CAMTA1: variants seen among roughly 807,000 people sequenced by gnomAD.
The protein encoded by CAMTA1 is calmodulin binding transcription activator 1, also known as calmodulin-binding transcription activator 1.
In CAMTA1, 27 loss-of-function variants were observed where a neutral mutation model predicts 170.9. That is an observed-to-expected ratio of 0.16 (90% CI 0.12 to 0.22). The LOEUF is 0.22. Ranked by LOEUF, CAMTA1 falls within the 10% of genes least tolerant of loss-of-function variation. The pLI is 1.00. For missense variants in CAMTA1, 1,619 were observed against 2,217.2 expected, an observed-to-expected ratio of 0.73 and a Z score of 5.42; for synonymous variants, 833 against 891.5, an observed-to-expected ratio of 0.93 and a Z score of 1.17.
In CAMTA1 at chr1:7,683,207, C is replaced by A. The variant is rs1431709038; in HGVS notation, c.2914+5474C>A. Among the ~76,000 whole-genome samples, 3 of 148,008 alleles carry A rather than the reference C, an allele frequency of 2.0e-5. No homozygotes were observed. The South Asian group carries it at 6.4e-4, about 31-fold the overall frequency. Reference sequence around the variant, plus strand: ...AAAAAAAAAAAAAAAAAAGAACATACAATGTACACTGAGAACACATTCCAA... The same window carrying A: ...AAAAAAAAAAAAAAAAAAGAACATAAAATGTACACTGAGAACACATTCCAA... On this transcript the variant is annotated intron_variant, in intron 11 of 22. Transcript: ENST00000303635.
chr1:7,078,278 C>T (rs1032971682), intron 3 of CAMTA1, among the ~76,000 whole-genome samples: 3 of 152,204 alleles, frequency 2.0e-5, no homozygotes, highest in Admixed American at 6.5e-5. Flanking sequence ...TCTGGAAGGA[C>T]TTATAACAAC....
chr1:7,229,964 G>A (rs1662424911), intron 4 of CAMTA1, among the ~76,000 whole-genome samples: 1 of 152,140 alleles, frequency 6.6e-6, no homozygotes, highest in African/African-American at 2.4e-5. Flanking sequence ...GGCCGGTTGG[G>A]CTGAAGCTCC....
intron 6 of CAMTA1, among the ~76,000 whole-genome samples, chr1:7,470,200 A>G (rs1149334): frequency 0.62 from 94,120 of 152,144 alleles, 30,643 homozygotes; most frequent in African/African-American, 0.81. Flanking sequence ...ACACAGGTGT[A>G]GGGGGTTCCT....
intron 6 of CAMTA1, among the ~76,000 whole-genome samples, chr1:7,500,315 TGAGC>T (rs56889946): frequency 0.072 from 8,960 of 125,180 alleles, 876 homozygotes; most frequent in East Asian, 0.35. Flanking sequence ...TGTGTGTCCG[TGAGC>T]GAGTGTGTAG....
intron 3 of CAMTA1, among the ~76,000 whole-genome samples, chr1:6,947,765 T>G (rs975813874): frequency 2.0e-5 from 3 of 152,226 alleles, no homozygotes; most frequent in Admixed American, 2.0e-4. Flanking sequence ...TCCTAAGTAT[T>G]TTATCCTTTT....
chr1:7,186,383 A>G (rs1653271134), intron 4 of CAMTA1, among the ~76,000 whole-genome samples: 1 of 152,228 alleles, frequency 6.6e-6, no homozygotes. Flanking sequence ...TACAGGTGCT[A>G]GTGCTGGGAC....
In CAMTA1 at chr1:7,483,439, C is replaced by G. The variant is rs79384851; in HGVS notation, c.510+15538C>G. On this transcript the variant is annotated intron_variant, in intron 6 of 22. Transcript: ENST00000303635. ...AGGGAGACCCTCAGCTCGGGGAGCT[C>G]TTCTCCCCACCCTGAGGAAGGGCAG... Among the ~76,000 whole-genome samples, 12 of 152,334 alleles carry G rather than the reference C, an allele frequency of 7.9e-5. No homozygotes were observed. The East Asian group carries it at 2.1e-3, about 27-fold the overall frequency.
rs2097028669 is a variant in CAMTA1, at chr1:7,767,068, GT to G, written c.*580del. 1.3e-5 allele frequency: 2 copies of G among 152,764 alleles called. No individual in the cohort carries two copies. The highest frequency in any genetic ancestry group is 4.8e-5 in the African/African-American group (2 of 41,384). 9.5% of individuals were successfully genotyped at this position (152,764 alleles called of 1,614,324 possible). A position where few individuals can be genotyped will look rare whatever the true frequency, so the allele number is the denominator to read the frequency against. On this transcript the variant is annotated 3_prime_UTR_variant, in exon 23 of 23. Coordinates refer to ENST00000303635, the MANE Select transcript of CAMTA1 (RefSeq NM_015215.4). Reference sequence around the variant, plus strand: ...ACTGTTTATTTTTGTTTGTTTGTTTGTTTGTTTTAATCTCTACAGCACATTT... The same window carrying G: ...ACTGTTTATTTTTGTTTGTTTGTTTGTTGTTTTAATCTCTACAGCACATTT...
intron 3 of CAMTA1, among the ~76,000 whole-genome samples, chr1:7,082,450 T>TAGATAGAC (rs1640151616): frequency 6.6e-6 from 1 of 150,574 alleles, no homozygotes; most frequent in Non-Finnish European, 1.5e-5. Flanking sequence ...AATAGATAGA[T>TAGATAGAC]AGATAGATAG....
At chr1:7,573,077 A>G (rs1261025217) in intron 6 of CAMTA1, among the ~76,000 whole-genome samples, 1 of 152,124 alleles carries the variant, frequency 6.6e-6, no homozygotes, top group Non-Finnish European at 1.5e-5. Flanking sequence ...AGAAGGGTTT[A>G]CTCCTGGACA....
intron 1 of CAMTA1, among the ~76,000 whole-genome samples, chr1:6,812,378 A>AT (rs1340234136): frequency 2.6e-5 from 4 of 152,140 alleles, no homozygotes; most frequent in Non-Finnish European, 4.4e-5. Flanking sequence ...TCGAAATAAG[A>AT]TTTTATATAT....
intron 3 of CAMTA1, among the ~76,000 whole-genome samples, chr1:6,966,399 T>G (rs995672322): frequency 5.3e-5 from 8 of 152,158 alleles, no homozygotes; most frequent in African/African-American, 1.9e-4. Context: ...TCTATTGATT[T>G]GCTGCCTCTG....
intron 6 of CAMTA1, among the ~76,000 whole-genome samples, chr1:7,574,551 GGCCACGATCAATAT>G (rs2095167243): frequency 6.6e-6 from 1 of 152,210 alleles, no homozygotes; most frequent in South Asian, 2.1e-4. Context: ...ACTGGGCACG[GGCCACGATCAATAT>G]GCCTCTATTT....
chr1:7,511,330 A>T (rs1331212307), intron 6 of CAMTA1, among the ~76,000 whole-genome samples: 1 of 145,446 alleles, frequency 6.9e-6, no homozygotes, highest in African/African-American at 2.5e-5. Context: ...CTTTCCTGTA[A>T]TGTGGGGATC....
At chr1:7,029,612 CTCTT>C (rs1185092346) in intron 3 of CAMTA1, among the ~76,000 whole-genome samples, 1 of 151,276 alleles carries the variant, frequency 6.6e-6, no homozygotes, top group Non-Finnish European at 1.5e-5. Context: ...CTCTCTCTCT[CTCTT>C]TTTTGCATAG....
intron 4 of CAMTA1, among the ~76,000 whole-genome samples, chr1:7,114,352 G>C (rs1355195884): frequency 6.6e-6 from 1 of 151,882 alleles, no homozygotes. Context: ...CATAGACCAC[G>C]GGTGTCCAAT....
chr1:7,103,823 T>C, intron 4 of CAMTA1, among the ~76,000 whole-genome samples: 1 of 101,852 alleles, frequency 9.8e-6, no homozygotes, highest in South Asian at 2.7e-4. Context: ...ACTACACACA[T>C]GCACACACAA....
chr1:6,924,141 C>T (rs991663601), intron 3 of CAMTA1, among the ~76,000 whole-genome samples: 1 of 152,212 alleles, frequency 6.6e-6, no homozygotes, highest in African/African-American at 2.4e-5. Flanking sequence ...ATTTATTGAA[C>T]ACCTGCCACA....
intron 6 of CAMTA1, among the ~76,000 whole-genome samples, chr1:7,614,998 A>G (rs1479995319): frequency 6.6e-6 from 1 of 151,864 alleles, no homozygotes; most frequent in East Asian, 1.9e-4. Context: ...GCAGAGCCCC[A>G]CTCCACACAC....
Sources: allele counts gnomAD v4.1 joint callset (sites outside exome capture counted in the v4.1 genomes callset), GRCh38; gene constraint gnomAD v4.1.1; transcripts MANE v1.5; gene names NCBI Gene and HGNC (gene_info 2026-07-23, HGNC 2026-07-21).